The following TUBD1 variants were observed in gnomAD, a reference collection of about 807,000 sequenced individuals.
TUBD1 encodes the protein tubulin delta chain.
In TUBD1, 38 loss-of-function variants were observed where a neutral mutation model predicts 51.2. That is an observed-to-expected ratio of 0.74 (90% CI 0.57 to 0.97). The LOEUF (loss-of-function observed/expected upper bound fraction) is 0.97. Among genes scored for constraint, TUBD1 ranks in the 50% least tolerant of loss-of-function variants. The pLI, the probability that TUBD1 is intolerant of heterozygous loss-of-function variation, is 0.00. For missense variants in TUBD1, 489 were observed against 538.4 expected, an observed-to-expected ratio of 0.91 and a Z score of 0.91; for synonymous variants, 169 against 178.2, an observed-to-expected ratio of 0.95 and a Z score of 0.41.
At chr17:59,871,903 C>T (rs566847717) in intron 6 of TUBD1, among the ~76,000 whole-genome samples, 20 of 152,044 alleles carry the variant, frequency 1.3e-4, no homozygotes, top group African/African-American at 4.8e-4. Context: ...TCAAGGGATT[C>T]TCCTGCCTCA....
chr17:59,889,010 CTTTTTTTTT>C (rs756097623), intron 2 of TUBD1, among the ~76,000 whole-genome samples: 1 of 55,778 alleles, frequency 1.8e-5, no homozygotes, highest in Admixed American at 2.8e-4. Flanking sequence ...CCATGCCTGG[CTTTTTTTTT>C]TTTTTTTTTT....
intron 7 of TUBD1, among the ~76,000 whole-genome samples, chr17:59,864,387 C>T (rs1333773701): frequency 6.6e-6 from 1 of 152,028 alleles, no homozygotes. Flanking sequence ...CTCAAGTGAT[C>T]CACCTGCCTC....
At chr17:59,875,798 GAT>G (rs1397158027) in intron 5 of TUBD1, among the ~76,000 whole-genome samples, 5 of 151,680 alleles carry the variant, frequency 3.3e-5, no homozygotes, top group Non-Finnish European at 7.4e-5. Flanking sequence ...GACAAGATTA[GAT>G]ATTCCTTAAG....
intron 6 of TUBD1, among the ~76,000 whole-genome samples, chr17:59,872,340 C>CT (rs1254115140): frequency 6.6e-6 from 1 of 152,098 alleles, no homozygotes; most frequent in Non-Finnish European, 1.5e-5. Context: ...AGCGATCCTC[C>CT]TGCCTTAGCC....
At chr17:59,881,483 T>G (rs906446165) in intron 3 of TUBD1, among the ~76,000 whole-genome samples, 1 of 152,122 alleles carries the variant, frequency 6.6e-6, no homozygotes, top group African/African-American at 2.4e-5. Context: ...GTATAGAAAG[T>G]TCTCTTTATT....
At chr17:59,885,387 G>A (rs2040674212) in intron 3 of TUBD1, 1 of 892,896 alleles carries the variant, frequency 1.1e-6, no homozygotes, top group African/African-American at 1.6e-5. Flanking sequence ...TCATGTGTAT[G>A]CAGCTGTTCG....
At chr17:59,866,553 C>T in intron 7 of TUBD1, 56 bp downstream of exon 7, 1 of 1,593,872 alleles carries the variant, frequency 6.3e-7, no homozygotes, top group Non-Finnish European at 8.5e-7. Flanking sequence ...CCATTTGTAC[C>T]ATATAGCATG....
chr17:59,875,645 A>G lies in TUBD1; in HGVS notation c.770-942T>C, dbSNP rs558011334. On this transcript the variant is annotated intron_variant, in intron 5 of 8. Transcript: ENST00000325752. ...CGTTGTGGCAGGCACCTGTAATCCC[A>G]GCTACTTGGGAGGCTGAGGCGGGAG... Among the ~76,000 whole-genome samples, 13 of 151,878 alleles carry G rather than the reference A, an allele frequency of 8.6e-5. 1 individual carries two copies. In the South Asian group the frequency reaches 2.7e-3, roughly 32 times the overall value.
chr17:59,861,389 G>A (rs1346993712), intron 8 of TUBD1, among the ~76,000 whole-genome samples: 1 of 151,772 alleles, frequency 6.6e-6, no homozygotes, highest in Non-Finnish European at 1.5e-5. Flanking sequence ...AGTAGAGGTG[G>A]GGTTTCACCA....
chr17:59,872,859 C>T (rs568019623), intron 6 of TUBD1, among the ~76,000 whole-genome samples: 58 of 151,764 alleles, frequency 3.8e-4, no homozygotes, highest in African/African-American at 1.4e-3. Context: ...CTCTGCCTCC[C>T]GGGTTCAAGC....
At chr17:59,880,314 C>A (rs964860955) in intron 4 of TUBD1, among the ~76,000 whole-genome samples, 3 of 151,886 alleles carry the variant, frequency 2.0e-5, no homozygotes, top group African/African-American at 7.3e-5. Context: ...ACCTTGGCTT[C>A]CCAAAGTGCT....
At chr17:59,874,264 G>A (rs2040128507) in intron 6 of TUBD1, among the ~76,000 whole-genome samples, 1 of 150,878 alleles carries the variant, frequency 6.6e-6, no homozygotes, top group African/African-American at 2.4e-5. Context: ...ATATTTAAAT[G>A]AGTTTTGGCT....
At chr17:59,863,477 T>C (rs1342854731) in intron 8 of TUBD1, among the ~76,000 whole-genome samples, 187 bp downstream of exon 8, 2 of 151,818 alleles carry the variant, frequency 1.3e-5, no homozygotes, top group Non-Finnish European at 2.9e-5. Flanking sequence ...GGTGTGGTGG[T>C]AGGCGCCTGT....
intron 8 of TUBD1, among the ~76,000 whole-genome samples, chr17:59,862,133 GA>G (rs1489701340): frequency 6.6e-6 from 1 of 150,638 alleles, no homozygotes; most frequent in African/African-American, 2.4e-5. Context: ...AGACCAGCCT[GA>G]CCAACATGGA....
chr17:59,878,759 G>T (rs113619350), intron 4 of TUBD1: 3,482 of 166,410 alleles, frequency 0.021, 129 homozygotes, highest in African/African-American at 0.078. Context: ...GATTATAGGC[G>T]TGAGCCACCG....
rs1247048406 is a variant in TUBD1, at chr17:59,862,252, G to A, written c.1259+1412C>T. 4.0e-5 allele frequency among the ~76,000 whole-genome samples: 6 copies of A among 151,044 alleles called. No individual in the cohort carries two copies. The East Asian group carries it at 1.2e-3, about 31-fold the overall frequency. The stretch of plus-strand genomic sequence containing the variant: ...GCAGGAGAACTGCTTGAACCCAGGA[G>A]GCAGAGGTTGCAGTGAGCAGAGATC... On this transcript the variant is annotated intron_variant, in intron 8 of 8. Transcript: ENST00000325752.
At position 59,891,050 on chromosome 17, in the gene TUBD1, GA is replaced by G. The variant is rs752147068; in HGVS notation, c.-39-10del. The stretch of plus-strand genomic sequence containing the variant: ...TTACCTCTAAAAACAACCTGTAATC[GA>G]AAAAAATACGCTTTGAGAACCACTA... On this transcript the variant is annotated splice_polypyrimidine_tract_variant and intron_variant, in intron 1 of 8. Coordinates refer to ENST00000325752, the MANE Select transcript of TUBD1 (RefSeq NM_016261.4). 9 of 1,474,888 alleles carry G rather than the reference GA, an allele frequency of 6.1e-6. No homozygotes were observed. The East Asian group carries it at 2.1e-4, about 34-fold the overall frequency. The allele number at this position is 1,474,888 out of a possible 1,614,324, so 91.4% of individuals were successfully genotyped here.
At position 59,870,372 on chromosome 17, in the gene TUBD1, C is replaced by CAAA. The variant is rs530315478; in HGVS notation, c.935-3626_935-3624dup. Among the ~76,000 whole-genome samples, 94 of 77,906 alleles carry CAAA rather than the reference C, an allele frequency of 1.2e-3. 1 individual carries two copies. Among genetic ancestry groups the CAAA allele is most frequent in the East Asian group, 2.9e-3 (6 of 2,088 alleles). The allele number at this position is 77,906 out of a possible 152,430, so 51.1% of individuals were successfully genotyped here. A position where few individuals can be genotyped will look rare whatever the true frequency, so the allele number is the denominator to read the frequency against. Reference sequence around the variant, plus strand: ...GGCGACAGAGTGTGACTCCATCTCACAAAAAAAAAAAAAAAAAAAAAAAAA... The same window carrying CAAA: ...GGCGACAGAGTGTGACTCCATCTCACAAAAAAAAAAAAAAAAAAAAAAAAAAAA... On this transcript the variant is annotated intron_variant, in intron 6 of 8. Coordinates refer to ENST00000325752, the MANE Select transcript of TUBD1 (RefSeq NM_016261.4).
At chr17:59,886,960 G>A (rs902417137) in intron 2 of TUBD1, among the ~76,000 whole-genome samples, 7 of 151,944 alleles carry the variant, frequency 4.6e-5, no homozygotes, top group Non-Finnish European at 1.0e-4. Context: ...CGAGGCGGGC[G>A]GATCATCTGA....
Sources: gnomAD v4.1 joint callset for allele counts (sites outside exome capture counted in the v4.1 genomes callset) on GRCh38, gnomAD v4.1.1 for gene constraint, MANE v1.5 for transcripts, NCBI Gene and HGNC (gene_info 2026-07-23, HGNC 2026-07-21) for gene names.